The following RBM24 variants were observed in gnomAD, a reference collection of about 807,000 sequenced individuals.
The protein encoded by RBM24 is RNA binding motif protein 24.
Under a neutral mutation model 23.6 loss-of-function variants are expected in RBM24, and 5 were observed. The ratio of observed to expected loss-of-function variants is 0.21; its 90% CI spans 0.11 to 0.45. RBM24 has a LOEUF of 0.45. Among genes scored for constraint, RBM24 ranks in the 20% least tolerant of loss-of-function variants. RBM24 has a pLI of 0.99. For missense variants in RBM24, 252 were observed against 314.6 expected (o/e 0.80, Z 1.51); for synonymous variants, 151 against 129.5 (o/e 1.17, Z -1.13).
chr6:17,283,420 GT>G (rs1446453820), intron 2 of RBM24, among the ~76,000 whole-genome samples: 1 of 152,022 alleles, frequency 6.6e-6, no homozygotes, highest in Non-Finnish European at 1.5e-5. Flanking sequence ...AATGGTAAAG[GT>G]TTTGTTTTTT....
intron 1 of RBM24, 152 bp from the exon 2 acceptor site, chr6:17,282,653 C>T: frequency 2.4e-6 from 1 of 413,292 alleles, no homozygotes. Flanking sequence ...AATGGGAGAT[C>T]AAGGAGGAGG....
chr6:17,288,722 A>G (rs1244102533), intron 3 of RBM24: 2 of 973,534 alleles, frequency 2.1e-6, no homozygotes, highest in Non-Finnish European at 2.4e-6. Context: ...GAATCTGGGA[A>G]TGTGAAGCTT....
rs146548917 is a variant in RBM24, at chr6:17,287,282, C to G, written c.347+2571C>G. On this transcript the variant is annotated intron_variant, in intron 3 of 3. Transcript: ENST00000379052. ...AATTTGACTTGACTTACTTGAAATT[C>G]TAGTAACTGAACTGTTCCTTTGAAT... Among the ~76,000 whole-genome samples the G allele has an allele frequency of 4.5e-3, 684 of 152,284 alleles. 5 individuals are homozygous for G. Among genetic ancestry groups the G allele is most frequent in the African/African-American group, 0.015 (637 of 41,544 alleles).
Position 17,281,508 on chromosome 6 carries a change from GC to G in RBM24, c.-72del. On this transcript the variant is annotated 5_prime_UTR_variant, in exon 1 of 4. Transcript: ENST00000379052. This position sits in a 1 kb window ranked among gnomAD's most constrained non-coding sequence, Gnocchi z 7.1. ...CGCGAAAGGGTGCGGGAGACGCGGA[GC>G]CGGAGGAGGAGGCGCAGCCGCTGCC... The G allele has an allele frequency of 7.3e-7, 1 of 1,363,892 alleles. No individual in the cohort carries two copies. The highest frequency in any genetic ancestry group is 1.6e-5 in the African/African-American group (1 of 64,370). The allele number at this position is 1,363,892 out of a possible 1,614,324, so 84.5% of individuals were successfully genotyped here. A position where few individuals can be genotyped will look rare whatever the true frequency, so the allele number is the denominator to read the frequency against.
chr6:17,285,313 T>G (rs940282012), intron 3 of RBM24: 2 of 152,248 alleles, frequency 1.3e-5, no homozygotes, highest in Admixed American at 6.5e-5. Context: ...AAAAGAGCTG[T>G]AGTGAAAGTG....
chr6:17,289,886 A>G, intron 3 of RBM24: 1 of 1,240,042 alleles, frequency 8.1e-7, no homozygotes. Flanking sequence ...CTCCAGGGAC[A>G]GTGTTTCATA....
At chr6:17,284,416 T>C (rs948919739) in intron 2 of RBM24, among the ~76,000 whole-genome samples, 4 of 152,232 alleles carry the variant, frequency 2.6e-5, no homozygotes, top group Non-Finnish European at 5.9e-5. Context: ...ATTCTGTGTC[T>C]GTCAACTAAA....
rs1760029839 is a variant in RBM24 at position 17,281,943 on chromosome 6, A to G, written c.168+194A>G. 1 of 1,351,512 alleles carries G rather than the reference A, an allele frequency of 7.4e-7. No homozygotes were observed. Among genetic ancestry groups the G allele is most frequent in the East Asian group, 2.7e-5 (1 of 37,438 alleles). 83.7% of individuals were successfully genotyped at this position (1,351,512 alleles called of 1,614,324 possible). ...GGCGCCAGCCTCGCGGGGTTCGGAG[A>G]AGACCCAGCGCTGTGCGAGGTCGGG... On this transcript the variant is annotated intron_variant, in intron 1 of 3. Transcript: ENST00000379052. This position sits in a 1 kb window ranked among gnomAD's most constrained non-coding sequence, Gnocchi z 7.1.
rs773966968 is a variant in RBM24, at chr6:17,282,854, A to G, written c.218A>G (p.Asn73Ser). ...AAAERACKDP[N>S]PIIDGRKANV... ...GCCGAAAGGGCCTGCAAGGATCCCA[A>G]TCCCATCATTGATGGCAGAAAGGCC... The change falls in exon 2 of 4, where the codon AAT becomes AGT. Residue 73 changes from asparagine to serine, a missense_variant. Coordinates refer to ENST00000379052, the MANE Select transcript of RBM24 (RefSeq NM_001143942.2). The G allele has an allele frequency of 2.7e-5, 44 of 1,614,018 alleles. No homozygotes were observed. Among genetic ancestry groups the G allele is most frequent in the Non-Finnish European group, 3.0e-5 (35 of 1,180,044 alleles).
At chr6:17,284,821 T>C in intron 3 of RBM24, 110 bp downstream of exon 3, 1 of 682,498 alleles carries the variant, frequency 1.5e-6, no homozygotes, top group Non-Finnish European at 2.4e-6. Context: ...GTCCTAGTTA[T>C]ACAATTTTAT....
chr6:17,287,574 GGGTGGATCATGAGGTCA>G lies in RBM24; in HGVS notation c.347+2866_347+2882del, dbSNP rs1477468884. On this transcript the variant is annotated intron_variant, in intron 3 of 3. Coordinates refer to ENST00000379052, the MANE Select transcript of RBM24 (RefSeq NM_001143942.2). Reference sequence around the variant, plus strand: ...TCCCAGCACTTTGGGAGGCCGAGGTGGGTGGATCATGAGGTCAGGAGGTTGAGAGGGCGAGACCATCC... The same window carrying G: ...TCCCAGCACTTTGGGAGGCCGAGGTGGGAGGTTGAGAGGGCGAGACCATCC... 3.3e-5 allele frequency among the ~76,000 whole-genome samples: 5 copies of G among 152,170 alleles called. No individual in the cohort carries two copies. The South Asian group carries it at 8.3e-4, about 25-fold the overall frequency.
intron 2 of RBM24, among the ~76,000 whole-genome samples, chr6:17,283,672 C>T (rs1228182918): frequency 6.6e-6 from 1 of 152,180 alleles, no homozygotes; most frequent in African/African-American, 2.4e-5. Context: ...CCGCCTTGGC[C>T]TCCTAAAGTG....
chr6:17,288,963 C>A, intron 3 of RBM24: 1 of 985,258 alleles, frequency 1.0e-6, no homozygotes, highest in Non-Finnish European at 1.2e-6. Flanking sequence ...AAAAAGAAAC[C>A]GATTAGGATA....
Position 17,292,216 on chromosome 6 carries a change from T to TA in RBM24, c.*97_*98insA. The TA allele has an allele frequency of 3.4e-5, 40 of 1,180,428 alleles. No individual in the cohort carries two copies. Among genetic ancestry groups the TA allele is most frequent in the Non-Finnish European group, 3.8e-5 (33 of 877,510 alleles). 73.1% of individuals were successfully genotyped at this position (1,180,428 alleles called of 1,614,324 possible). A position where few individuals can be genotyped will look rare whatever the true frequency, so the allele number is the denominator to read the frequency against. On this transcript the variant is annotated 3_prime_UTR_variant, in exon 4 of 4. Coordinates refer to ENST00000379052, the MANE Select transcript of RBM24 (RefSeq NM_001143942.2). ...GAGAGTTAACATTGACTTAACAGCT[T>TA]TAAAAAAAAAAACAGCCATGCTATT...
Position 17,281,827 on chromosome 6 carries a change from G to C in RBM24, c.168+78G>C. On this transcript the variant is annotated intron_variant, in intron 1 of 3. Transcript: ENST00000379052. The surrounding 1 kb of genome is among the most constrained non-coding windows in gnomAD (Gnocchi z 7.1). Reference sequence around the variant, plus strand: ...CGGGGATCGGGAGCTTGGAGTGAGGGGCTCGGCGTGACCCGTGAGGAGCCC... The same window carrying C: ...CGGGGATCGGGAGCTTGGAGTGAGGCGCTCGGCGTGACCCGTGAGGAGCCC... The C allele has an allele frequency of 1.3e-6, 2 of 1,511,760 alleles. No homozygotes were observed. Among genetic ancestry groups the C allele is most frequent in the South Asian group, 2.4e-5 (2 of 82,804 alleles). The allele number at this position is 1,511,760 out of a possible 1,614,324, so 93.6% of individuals were successfully genotyped here.
intron 3 of RBM24, among the ~76,000 whole-genome samples, chr6:17,291,303 G>T (rs1193838495): frequency 1.3e-5 from 2 of 151,646 alleles, no homozygotes; most frequent in Non-Finnish European, 2.9e-5. Flanking sequence ...CCCCACAGAA[G>T]TGAATAATTA....
In RBM24 at chr6:17,292,009, A is replaced by G. The variant is rs748342844; in HGVS notation, c.601A>G (p.Ile201Val). The change falls in exon 4 of 4, where the codon ATC becomes GTC. Residue 201 changes from isoleucine to valine, a missense_variant. Coordinates refer to ENST00000379052, the MANE Select transcript of RBM24 (RefSeq NM_001143942.2). ...CTATGGCTACGCAGTCCAGCAGCCAATCACCGCAGCGGCACCTGGGACAGC... is the reference window on the plus strand; with the variant it reads ...CTATGGCTACGCAGTCCAGCAGCCAGTCACCGCAGCGGCACCTGGGACAGC... Reference protein sequence around the residue: ...GGYGYAVQQPITAAAPGTAAA... With the variant: ...GGYGYAVQQPVTAAAPGTAAA... 16 of 1,605,702 alleles carry G rather than the reference A, an allele frequency of 1.0e-5. No individual in the cohort carries two copies. Among genetic ancestry groups the G allele is most frequent in the Middle Eastern group, 3.3e-4 (2 of 6,058 alleles).
chr6:17,281,800 C>G lies in RBM24; in HGVS notation c.168+51C>G. The G allele has an allele frequency of 6.5e-7, 1 of 1,537,972 alleles. No homozygotes were observed. Among genetic ancestry groups the G allele is most frequent in the Non-Finnish European group, 8.8e-7 (1 of 1,139,446 alleles). On this transcript the variant is annotated intron_variant, in intron 1 of 3. Coordinates refer to ENST00000379052, the MANE Select transcript of RBM24 (RefSeq NM_001143942.2). This position sits in a 1 kb window ranked among gnomAD's most constrained non-coding sequence, Gnocchi z 7.1. Reference sequence around the variant, plus strand: ...GGGGAGGGACGGAGTGGCGGCTGACCCCGGGGATCGGGAGCTTGGAGTGAG... The same window carrying G: ...GGGGAGGGACGGAGTGGCGGCTGACGCCGGGGATCGGGAGCTTGGAGTGAG...
chr6:17,284,693 T>C lies in RBM24; in HGVS notation c.329T>C (p.Leu110Pro). 1 of 1,611,682 alleles carries C rather than the reference T, an allele frequency of 6.2e-7. No homozygotes were observed. The highest frequency in any genetic ancestry group is 8.5e-7 in the Non-Finnish European group (1 of 1,178,970). ...AFGVQQLHPALIQRPFGIPAH... is the reference protein window; with the variant it reads ...AFGVQQLHPAPIQRPFGIPAH... ...GGTGTTCAACAACTTCATCCAGCCC[T>C]TATACAAAGACCTTTCGGGTAAGTT... The change falls in exon 3 of 4, where the codon CTT becomes CCT. Residue 110 changes from leucine (L) to proline (P), a missense_variant. Physicochemically the swap from Leu to Pro is moderately conservative, Grantham distance 98 (BLOSUM62 -3). Transcript: ENST00000379052.
Sources: allele counts gnomAD v4.1 joint callset (sites outside exome capture counted in the v4.1 genomes callset), GRCh38; gene constraint gnomAD v4.1.1; non-coding constraint Gnocchi (gnomAD v3.1); transcripts MANE v1.5; gene names NCBI Gene and HGNC (gene_info 2026-07-23, HGNC 2026-07-21).